Variants in CHD2 observed in about 807,000 individuals in gnomAD.
CHD2 encodes the protein chromodomain helicase DNA binding protein 2, also known as ATP-dependent chromatin remodeler CHD2.
In CHD2, 28 loss-of-function variants were observed where a neutral mutation model predicts 243.9. The observed-to-expected ratio is 0.11, with a 90% confidence interval of 0.09 to 0.16. The LOEUF is 0.16. Ranked by LOEUF, CHD2 falls within the 10% of genes least tolerant of loss-of-function variation. The probability of loss-of-function intolerance (pLI) is 1.00; values close to 1 mark genes in which losing one functional copy is unlikely to be tolerated. For synonymous variants in CHD2, 775 were observed against 779.0 expected, an observed-to-expected ratio of 0.99 and a Z score of 0.09; for missense variants, 1,386 against 2,209.8, an observed-to-expected ratio of 0.63 and a Z score of 7.47.
chr15:92,922,964 A>G (rs916143328), intron 2 of CHD2, among the ~76,000 whole-genome samples: 2 of 152,008 alleles, frequency 1.3e-5, no homozygotes, highest in Non-Finnish European at 2.9e-5. Context: ...GCTGCTCCCT[A>G]TGGGATGTTT....
chr15:92,943,761 A>G (rs1407466852), intron 9 of CHD2: 1 of 152,756 alleles, frequency 6.5e-6, no homozygotes, highest in African/African-American at 2.4e-5. Context: ...TGATTAGCCT[A>G]TTTTTGTGTC....
At chr15:92,977,940 C>T (rs931627248) in intron 20 of CHD2, among the ~76,000 whole-genome samples, 3 of 152,064 alleles carry the variant, frequency 2.0e-5, no homozygotes, top group African/African-American at 4.8e-5. Context: ...ATTATTGTTG[C>T]TGTTAACTTC....
At chr15:92,919,631 T>G (rs1276571484) in intron 2 of CHD2, among the ~76,000 whole-genome samples, 1 of 152,140 alleles carries the variant, frequency 6.6e-6, no homozygotes, top group East Asian at 1.9e-4. Flanking sequence ...GACCTCATGA[T>G]CTTCCCATCT....
intron 6 of CHD2, among the ~76,000 whole-genome samples, 190 bp from the exon 7 acceptor site, chr15:92,939,388 G>A (rs1483766409): frequency 1.3e-5 from 2 of 152,142 alleles, no homozygotes; most frequent in African/African-American, 4.8e-5. Context: ...TGACCTTCCT[G>A]TTGGAAATCC....
chr15:92,954,791 C>T (rs143860770), intron 14 of CHD2, among the ~76,000 whole-genome samples: 1 of 152,192 alleles, frequency 6.6e-6, no homozygotes, highest in Admixed American at 6.5e-5. Context: ...CAGGCACTTA[C>T]TGTCTTGTTC....
At chr15:93,002,106 C>A in intron 32 of CHD2, 71 bp from the exon 33 acceptor site, 1 of 1,530,526 alleles carries the variant, frequency 6.5e-7, no homozygotes, top group Non-Finnish European at 8.7e-7. Flanking sequence ...GGCAGTGCTT[C>A]TTTTTCCAGA....
chr15:93,006,967 T>C (rs531405322), intron 34 of CHD2, among the ~76,000 whole-genome samples: 1 of 152,370 alleles, frequency 6.6e-6, no homozygotes, highest in Non-Finnish European at 1.5e-5. Context: ...TCAGGATTTT[T>C]CCAAATGTTT....
chr15:92,975,828 T>A (rs926534733), intron 20 of CHD2, among the ~76,000 whole-genome samples: 8 of 132,284 alleles, frequency 6.0e-5, no homozygotes, highest in Admixed American at 5.1e-4. Context: ...GTCTAAACAT[T>A]TACTTCTTGA....
chr15:93,011,526 A>G (rs1049227947), intron 35 of CHD2, among the ~76,000 whole-genome samples: 2 of 152,192 alleles, frequency 1.3e-5, no homozygotes, highest in African/African-American at 2.4e-5. Context: ...TTAGACAGGA[A>G]GGTAAATGGC....
intron 7 of CHD2, among the ~76,000 whole-genome samples, chr15:92,940,879 TAA>T (rs2053358573): frequency 2.1e-5 from 2 of 93,286 alleles, no homozygotes; most frequent in African/African-American, 3.2e-5. Context: ...AATATACATA[TAA>T]ATATATATAA....
chr15:92,966,031 A>G (rs896399010), intron 16 of CHD2, among the ~76,000 whole-genome samples: 1 of 150,536 alleles, frequency 6.6e-6, no homozygotes, highest in Non-Finnish European at 1.5e-5. Context: ...TCCAGCATTG[A>G]GATAGTTCAG....
At position 92,904,511 on chromosome 15, in the gene CHD2, A is replaced by G. The variant is rs982338832; in HGVS notation, c.62+3212A>G. ...CCGAGGGGAAAAGGAAGGGAACTCTAGTTGGGACTTTCCGGTGGGCGGCTT... is the reference window on the plus strand; with the variant it reads ...CCGAGGGGAAAAGGAAGGGAACTCTGGTTGGGACTTTCCGGTGGGCGGCTT... On this transcript the variant is annotated intron_variant, in intron 2 of 38. Transcript: ENST00000394196. 7 of 994,730 alleles carry G rather than the reference A, an allele frequency of 7.0e-6. No individual in the cohort carries two copies. The East Asian group carries it at 6.6e-4, about 94-fold the overall frequency. The allele number at this position is 994,730 out of a possible 1,614,324, so 61.6% of individuals were successfully genotyped here.
chr15:92,990,107 G>A (rs1266993253), intron 26 of CHD2, among the ~76,000 whole-genome samples: 2 of 152,208 alleles, frequency 1.3e-5, no homozygotes, highest in Admixed American at 1.3e-4. Flanking sequence ...CACACAGTGA[G>A]TTCTGGGTCA....
chr15:92,960,784 G>A (rs529248130), intron 16 of CHD2, among the ~76,000 whole-genome samples: 54 of 136,170 alleles, frequency 4.0e-4, no homozygotes, highest in African/African-American at 1.4e-3. Flanking sequence ...GCACCATCTC[G>A]GCTCACTGCA....
intron 2 of CHD2, among the ~76,000 whole-genome samples, chr15:92,921,990 A>C (rs1437082945): frequency 6.6e-6 from 1 of 152,230 alleles, no homozygotes; most frequent in Admixed American, 6.5e-5. Flanking sequence ...CACCTGGACT[A>C]GTCAGCTTGG....
intron 2 of CHD2, among the ~76,000 whole-genome samples, chr15:92,922,926 C>T (rs926812692): frequency 2.0e-5 from 3 of 152,080 alleles, no homozygotes; most frequent in Non-Finnish European, 4.4e-5. Flanking sequence ...TGTTTTGTTC[C>T]TTTAGATGAC....
intron 5 of CHD2, among the ~76,000 whole-genome samples, chr15:92,931,700 C>T (rs2053170105): frequency 6.6e-6 from 1 of 152,068 alleles, no homozygotes; most frequent in Non-Finnish European, 1.5e-5. Context: ...TATATACAAA[C>T]ATAATGTTTT....
intron 26 of CHD2, among the ~76,000 whole-genome samples, chr15:92,987,115 A>T (rs1211976911): frequency 6.6e-6 from 1 of 151,976 alleles, no homozygotes; most frequent in East Asian, 1.9e-4. Context: ...TTCAATTGTT[A>T]GTTTTTGCTT....
intron 16 of CHD2, among the ~76,000 whole-genome samples, chr15:92,966,735 A>C (rs1279596990): frequency 6.6e-6 from 1 of 151,732 alleles, no homozygotes; most frequent in African/African-American, 2.4e-5. Context: ...ACATGATGAA[A>C]CCCTGTCTCT....
Sources: gnomAD v4.1 joint callset for allele counts (sites outside exome capture counted in the v4.1 genomes callset) on GRCh38, gnomAD v4.1.1 for gene constraint, MANE v1.5 for transcripts, NCBI Gene and HGNC (gene_info 2026-07-23, HGNC 2026-07-21) for gene names.